NISCH: variants seen among roughly 807,000 people sequenced by gnomAD.
NISCH encodes the protein nischarin.
NISCH carries 55 observed loss-of-function variants against 138.4 expected under a neutral mutation model. The ratio of observed to expected loss-of-function variants is 0.40; its 90% CI spans 0.32 to 0.50. The LOEUF (loss-of-function observed/expected upper bound fraction) is 0.50, where lower values mean the gene tolerates loss of function less well. NISCH is among the 20% of genes least tolerant of loss of function. NISCH has a pLI of 0.71. For missense variants in NISCH, 1,643 were observed against 2,005.5 expected (o/e 0.82, Z 3.45); for synonymous variants, 860 against 861.5 (o/e 1.00, Z 0.03).
chr3:52,481,238 G>T lies in NISCH; in HGVS notation c.1528+943G>T. 4 of 1,103,690 alleles carry T rather than the reference G, an allele frequency of 3.6e-6. No individual in the cohort carries two copies. In the South Asian group the frequency reaches 1.4e-4, roughly 40 times the overall value. The allele number at this position is 1,103,690 out of a possible 1,614,324, so 68.4% of individuals were successfully genotyped here. Reference sequence around the variant, plus strand: ...AGGATGAGAGGGAGAGTCGGCTGTGGTGCAGAATGCTCAGCAGCCCTCCCA... The same window carrying T: ...AGGATGAGAGGGAGAGTCGGCTGTGTTGCAGAATGCTCAGCAGCCCTCCCA... On this transcript the variant is annotated intron_variant, in intron 13 of 20. Transcript: ENST00000345716.
rs767946482 is a variant in NISCH at position 52,491,883 on chromosome 3, A to G, written c.3916A>G (p.Asn1306Asp). 3.8e-6 allele frequency: 6 copies of G among 1,590,892 alleles called. No homozygotes were observed. Among genetic ancestry groups the G allele is most frequent in the Non-Finnish European group, 5.1e-6 (6 of 1,165,222 alleles). Residue 1306 changes from asparagine to aspartate, a missense_variant, in exon 21 of 21, where the codon AAC becomes GAC. By Grantham distance (23) the Asn-to-Asp change is conservative. Coordinates refer to ENST00000345716, the MANE Select transcript of NISCH (RefSeq NM_007184.4). ...GCATCTCTCTGCAGGGAAGATGGAG[A>G]ACTACGAGCTGATCCACTCTAGTCG... ...FGNKTTGKME[N>D]YELIHSSRVK...
chr3:52,473,156 C>G (rs1308826898), intron 6 of NISCH, among the ~76,000 whole-genome samples: 2 of 152,222 alleles, frequency 1.3e-5, no homozygotes, highest in Non-Finnish European at 2.9e-5. Flanking sequence ...TGGGCTGTTC[C>G]GTCTACAGTG....
At chr3:52,471,174 A>C in intron 4 of NISCH, 1 of 530,180 alleles carries the variant, frequency 1.9e-6, no homozygotes, top group Non-Finnish European at 3.4e-6. Context: ...GCTTACCTGA[A>C]AGGGCTCAGA....
Position 52,488,385 on chromosome 3 carries a change from GC to G in NISCH, c.2895del (p.Phe966LeufsTer7). On this transcript the variant is annotated frameshift_variant, in exon 16 of 21. Coordinates refer to ENST00000345716, the MANE Select transcript of NISCH (RefSeq NM_007184.4). LOFTEE classifies it high-confidence loss of function. ...PTRSCTQPRG[A>X]FADGHVLELL... is the part of the protein sequence containing the mutation. ...ACGCAGCTGTACCCAGCCTCGGGGC[GC>G]CTTTGCTGATGGCCACGTGCTAGAG... 1.2e-6 allele frequency: 2 copies of G among 1,613,766 alleles called. No individual in the cohort carries two copies. The highest frequency in any genetic ancestry group is 1.7e-6 in the Non-Finnish European group (2 of 1,180,000).
chr3:52,486,638 T>C (rs2153231698), intron 15 of NISCH: 1 of 152,982 alleles, frequency 6.5e-6, no homozygotes, highest in South Asian at 2.1e-4. Flanking sequence ...CTTAAAGGGC[T>C]GCTGAAGATC....
Position 52,487,720 on chromosome 3 carries a change from A to G in NISCH, c.2228A>G (p.His743Arg). ...GGCATCGCAGTCTTCGAGATCCCGCACCAGGAGTCTCGGGGCAGCAGCCAG... is the reference window on the plus strand; with the variant it reads ...GGCATCGCAGTCTTCGAGATCCCGCGCCAGGAGTCTCGGGGCAGCAGCCAG... The part of the protein sequence containing the change: ...DFGIAVFEIP[H>R]QESRGSSQHI... Residue 743 changes from histidine (H) to arginine (R), a missense_variant, in exon 16 of 21, where the codon CAC (histidine) becomes CGC (arginine). Coordinates refer to ENST00000345716, the MANE Select transcript of NISCH (RefSeq NM_007184.4). This position sits in a 1 kb window ranked among gnomAD's most constrained non-coding sequence, Gnocchi z 9.1. 1.2e-6 allele frequency: 2 copies of G among 1,613,162 alleles called. No individual in the cohort carries two copies. Among genetic ancestry groups the G allele is most frequent in the Non-Finnish European group, 1.7e-6 (2 of 1,179,886 alleles).
intron 1 of NISCH, among the ~76,000 whole-genome samples, chr3:52,456,237 C>T (rs1405301857): frequency 1.3e-5 from 2 of 151,682 alleles, no homozygotes; most frequent in Non-Finnish European, 2.9e-5. Context: ...GAGATTTTCT[C>T]TGAGAAGTGC....
chr3:52,491,271 G>A (rs977184468), intron 19 of NISCH, 81 bp from the exon 20 acceptor site: 2 of 1,514,932 alleles, frequency 1.3e-6, no homozygotes, highest in African/African-American at 2.8e-5. Flanking sequence ...AGGCTTGCTA[G>A]GGACTCGGGG....
Position 52,477,661 on chromosome 3 carries a change from A to G in NISCH, c.987+19A>G. The G allele has an allele frequency of 1.2e-6, 2 of 1,602,912 alleles. No individual in the cohort carries two copies. Among genetic ancestry groups the G allele is most frequent in the South Asian group, 1.1e-5 (1 of 90,876 alleles). ...TCTGCAGGTAGTGCCTTTGGAGACC[A>G]GTGCTGCCCGCACACACTCCCAAGG... On this transcript the variant is annotated intron_variant, in intron 9 of 20. Coordinates refer to ENST00000345716, the MANE Select transcript of NISCH (RefSeq NM_007184.4).
intron 3 of NISCH, among the ~76,000 whole-genome samples, chr3:52,459,154 T>C (rs1292527634): frequency 6.6e-6 from 1 of 152,228 alleles, no homozygotes; most frequent in Non-Finnish European, 1.5e-5. Context: ...GGATTAGAAA[T>C]AGCTGACACC....
chr3:52,492,673 CAG>C lies in NISCH; in HGVS notation c.*192_*193del. 1 of 800,692 alleles carries C rather than the reference CAG, an allele frequency of 1.2e-6. No individual in the cohort carries two copies. The highest frequency in any genetic ancestry group is 1.9e-6 in the Non-Finnish European group (1 of 525,246). The allele number at this position is 800,692 out of a possible 1,614,324, so 49.6% of individuals were successfully genotyped here. A position where few individuals can be genotyped will look rare whatever the true frequency, so the allele number is the denominator to read the frequency against. Reference sequence around the variant, plus strand: ...TTGGGAGTGAGAATGCCGGGCCCCTCAGGGCTGTCGGTGTGCTGTCAGCCTCC... The same window carrying C: ...TTGGGAGTGAGAATGCCGGGCCCCTCGGCTGTCGGTGTGCTGTCAGCCTCC... On this transcript the variant is annotated 3_prime_UTR_variant, in exon 21 of 21. Coordinates refer to ENST00000345716, the MANE Select transcript of NISCH (RefSeq NM_007184.4).
At position 52,487,780 on chromosome 3, in the gene NISCH, TC is replaced by T. The variant is rs1707444741; in HGVS notation, c.2291del (p.Pro764ArgfsTer209). The T allele has an allele frequency of 6.2e-7, 1 of 1,613,208 alleles. No individual in the cohort carries two copies. The highest frequency in any genetic ancestry group is 1.3e-5 in the African/African-American group (1 of 74,660). On this transcript the variant is annotated frameshift_variant, in exon 16 of 21. Transcript: ENST00000345716. LOFTEE classifies it high-confidence loss of function. This position sits in a 1 kb window ranked among gnomAD's most constrained non-coding sequence, Gnocchi z 9.1. ...TCCTCCCTGCGCTTTGTCTTTTGCT[TC>T]CCGCATGGCGACCTCACCGAGTTTG... is the stretch of plus-strand genomic sequence containing the variant. ...ILSSLRFVFC[F>X]PHGDLTEFGF... is the part of the protein sequence containing the mutation.
rs540421686 is a variant in NISCH at position 52,478,606 on chromosome 3, A to C, written c.1302+29A>C. 104 of 1,608,318 alleles carry C rather than the reference A, an allele frequency of 6.5e-5. No homozygotes were observed. In the Middle Eastern group the frequency reaches 1.2e-3, roughly 18 times the overall value. On this transcript the variant is annotated intron_variant, in intron 11 of 20. Transcript: ENST00000345716. ...AGCCCCAGCACAGTCAGAAGAGCCCAGGGAGACCTTCGGGATGCAGTCAAG... is the reference window on the plus strand; with the variant it reads ...AGCCCCAGCACAGTCAGAAGAGCCCCGGGAGACCTTCGGGATGCAGTCAAG...
chr3:52,468,268 A>C lies in NISCH; in HGVS notation c.361-2591A>C, dbSNP rs144778110. On this transcript the variant is annotated intron_variant, in intron 3 of 20. Coordinates refer to ENST00000345716, the MANE Select transcript of NISCH (RefSeq NM_007184.4). ...AGCGAGACCCCGTCTCAAAAAAAAG[A>C]AGTGTGCCGTTGAAAATGAGGTTTG... Among the ~76,000 whole-genome samples the C allele has an allele frequency of 3.5e-3, 531 of 152,224 alleles. 4 individuals carry two copies. The highest frequency in any genetic ancestry group is 0.019 in the South Asian group (91 of 4,826).
Position 52,491,804 on chromosome 3 carries a change from G to T in NISCH, c.3905-68G>T. 3 of 1,515,200 alleles carry T rather than the reference G, an allele frequency of 2.0e-6. No individual in the cohort carries two copies. In the South Asian group the frequency reaches 4.0e-5, roughly 20 times the overall value. The allele number at this position is 1,515,200 out of a possible 1,614,324, so 93.9% of individuals were successfully genotyped here. On this transcript the variant is annotated intron_variant, in intron 20 of 20. Transcript: ENST00000345716. The stretch of plus-strand genomic sequence containing the variant: ...GCCGGGGTCTCTCGGTTGGCTTGGG[G>T]CCCTTGGTGCTCCCAGCCCCACCAG...
Position 52,487,359 on chromosome 3 carries a change from G to A in NISCH, c.1867G>A (p.Glu623Lys), listed in dbSNP as rs770641475. Residue 623 changes from glutamate (E) to lysine (K), a missense_variant, in exon 16 of 21, where the codon GAG becomes AAG. Glu to Lys is a moderately conservative substitution (Grantham distance 56, BLOSUM62 1). Coordinates refer to ENST00000345716, the MANE Select transcript of NISCH (RefSeq NM_007184.4). This position sits in a 1 kb window ranked among gnomAD's most constrained non-coding sequence, Gnocchi z 9.1. Reference sequence around the variant, plus strand: ...CGAGCGGCAGCTGCCTGCCTGGATCGAGGCTGCCAACCAGCGGGAGGAGGG... The same window carrying A: ...CGAGCGGCAGCTGCCTGCCTGGATCAAGGCTGCCAACCAGCGGGAGGAGGG... ...AIERQLPAWI[E>K]AANQREEGQG... 13 of 1,613,966 alleles carry A rather than the reference G, an allele frequency of 8.1e-6. No homozygotes were observed. Among genetic ancestry groups the A allele is most frequent in the Admixed American group, 1.7e-5 (1 of 60,006 alleles).
intron 3 of NISCH, among the ~76,000 whole-genome samples, chr3:52,460,765 G>C (rs564670112): frequency 5.3e-4 from 80 of 152,162 alleles, no homozygotes; most frequent in Admixed American, 2.9e-3. Flanking sequence ...GAAAATTCTA[G>C]AAGGTTTACG....
chr3:52,461,264 T>A (rs115214077), intron 3 of NISCH, among the ~76,000 whole-genome samples: 1,533 of 152,180 alleles, frequency 0.01, 13 homozygotes, highest in Non-Finnish European at 0.017. Context: ...AAGAAACAAC[T>A]TCCTTAAACT....
rs1260854204 is a variant in NISCH at position 52,489,667 on chromosome 3, A to T, written c.3445A>T (p.Ser1149Cys). 6.2e-7 allele frequency: 1 copy of T among 1,612,164 alleles called. No individual in the cohort carries two copies. The highest frequency in any genetic ancestry group is 1.1e-5 in the South Asian group (1 of 91,026). ...CGCCATCATCGAGCTCTTCCACAGC[A>T]GCATTGCTGAGGTAGCGGCCCGGGT... Reference protein sequence around the residue: ...GSAIIELFHSSIAEVENEELR... With the variant: ...GSAIIELFHSCIAEVENEELR... Residue 1149 changes from serine to cysteine, a missense_variant, in exon 17 of 21, where the codon AGC becomes TGC. Physicochemically the swap from Ser to Cys is moderately radical, Grantham distance 112 (BLOSUM62 -1). Transcript: ENST00000345716.
Sources: gnomAD v4.1 joint callset for allele counts (sites outside exome capture counted in the v4.1 genomes callset) on GRCh38, gnomAD v4.1.1 for gene constraint, Gnocchi (gnomAD v3.1) non-coding constraint, MANE v1.5 for transcripts, NCBI Gene and HGNC (gene_info 2026-07-23, HGNC 2026-07-21) for gene names.